The following PID1 variants were observed in gnomAD, a reference collection of about 807,000 sequenced individuals.
PID1 encodes the protein phosphotyrosine interaction domain containing 1.
In PID1, 10 loss-of-function variants were observed where a neutral mutation model predicts 19.1. The ratio of observed to expected loss-of-function variants is 0.52; its 90% CI spans 0.32 to 0.89. The LOEUF (loss-of-function observed/expected upper bound fraction) is 0.89. Among genes scored for constraint, PID1 ranks in the 40% least tolerant of loss-of-function variants. The pLI is 0.03. For missense variants in PID1, 248 were observed against 285.3 expected, an observed-to-expected ratio of 0.87 and a Z score of 0.94; for synonymous variants, 130 against 116.0, an observed-to-expected ratio of 1.12 and a Z score of -0.78.
chr2:229,173,025 C>T (rs1690741904), intron 1 of PID1, among the ~76,000 whole-genome samples: 1 of 152,056 alleles, frequency 6.6e-6, no homozygotes, highest in Non-Finnish European at 1.5e-5. Flanking sequence ...GAACCACTGG[C>T]CTCAATGCAC....
At chr2:229,181,088 C>T (rs868587505) in intron 1 of PID1, among the ~76,000 whole-genome samples, 8 of 152,178 alleles carry the variant, frequency 5.3e-5, no homozygotes, top group Non-Finnish European at 1.0e-4. Flanking sequence ...TCTCTCGTTC[C>T]ACCTAACGAG....
intron 1 of PID1, among the ~76,000 whole-genome samples, chr2:229,233,041 A>G (rs2106268952): frequency 6.6e-6 from 1 of 152,180 alleles, no homozygotes; most frequent in South Asian, 2.1e-4. Flanking sequence ...CAGAGCTGTA[A>G]ACTGTTCAAT....
At chr2:229,205,698 T>C (rs10166579) in intron 1 of PID1, among the ~76,000 whole-genome samples, 151,105 of 152,246 alleles carry the variant, frequency 0.99, 74,993 homozygotes, top group East Asian at 1. Context: ...TTTCAAATCT[T>C]AGAGTCAATT....
chr2:229,076,394 T>A (rs949365253), intron 2 of PID1, among the ~76,000 whole-genome samples: 9 of 152,078 alleles, frequency 5.9e-5, no homozygotes, highest in African/African-American at 1.9e-4. Context: ...GTTTTTTTTT[T>A]ACTTTTTTTA....
chr2:229,031,214 T>TAAAAAAAAA (rs1274567780), intron 2 of PID1, among the ~76,000 whole-genome samples: 21 of 24,950 alleles, frequency 8.4e-4, no homozygotes, highest in African/African-American at 3.4e-3. Flanking sequence ...AGACTCTGTC[T>TAAAAAAAAA]CAAAAAAAAA....
chr2:229,130,273 G>A (rs989724686), intron 2 of PID1, among the ~76,000 whole-genome samples: 12 of 152,242 alleles, frequency 7.9e-5, no homozygotes, highest in Admixed American at 7.8e-4. Flanking sequence ...ACCCGTCCTT[G>A]CATTCTCAGG....
chr2:229,092,346 C>T (rs1043155911), intron 2 of PID1, among the ~76,000 whole-genome samples: 1 of 152,150 alleles, frequency 6.6e-6, no homozygotes, highest in Non-Finnish European at 1.5e-5. Flanking sequence ...TTATCTGAAA[C>T]AAGTGAAAAG....
intron 1 of PID1, among the ~76,000 whole-genome samples, chr2:229,248,394 T>C (rs565228650): frequency 1.3e-5 from 2 of 152,334 alleles, no homozygotes; most frequent in African/African-American, 4.8e-5. Context: ...ACGATCATGG[T>C]TTGCCTCATT....
intron 1 of PID1, among the ~76,000 whole-genome samples, chr2:229,251,822 A>G (rs1690158238): frequency 1.3e-5 from 2 of 152,092 alleles, no homozygotes; most frequent in Middle Eastern, 3.2e-3. Flanking sequence ...AGAAATCAAC[A>G]ATATGTCCAT....
intron 2 of PID1, among the ~76,000 whole-genome samples, chr2:229,040,834 T>C (rs1693756453): frequency 1.3e-5 from 2 of 152,224 alleles, no homozygotes. Flanking sequence ...ATGCTGAACT[T>C]ACTTCATGTG....
At chr2:229,252,897 G>A (rs535018088) in intron 1 of PID1, among the ~76,000 whole-genome samples, 2 of 152,268 alleles carry the variant, frequency 1.3e-5, no homozygotes, top group East Asian at 3.9e-4. Context: ...GGTGGGTGGG[G>A]AAGGGGGTAG....
intron 1 of PID1, among the ~76,000 whole-genome samples, chr2:229,168,027 CTGTTA>C (rs1210049364): frequency 6.6e-6 from 1 of 152,122 alleles, no homozygotes; most frequent in African/African-American, 2.4e-5. Context: ...GACAAGAAGT[CTGTTA>C]TAATTCTTAA....
chr2:229,115,148 G>A (rs1183433507), intron 2 of PID1, among the ~76,000 whole-genome samples: 1 of 152,076 alleles, frequency 6.6e-6, no homozygotes, highest in Non-Finnish European at 1.5e-5. Flanking sequence ...CTCACTGAGG[G>A]TCAGGGTTAG....
chr2:229,047,328 G>A (rs1057224824), intron 2 of PID1, among the ~76,000 whole-genome samples: 1 of 152,162 alleles, frequency 6.6e-6, no homozygotes, highest in African/African-American at 2.4e-5. Flanking sequence ...TTTACACCCA[G>A]GCCAAAGGTC....
chr2:229,194,923 C>G (rs17580053), intron 1 of PID1, among the ~76,000 whole-genome samples: 108,989 of 139,352 alleles, frequency 0.78, 39,378 homozygotes, highest in East Asian at 0.9. Flanking sequence ...AATCTCATTG[C>G]TATAAAAAAA....
intron 2 of PID1, among the ~76,000 whole-genome samples, chr2:229,108,181 A>G (rs149144443): frequency 5.3e-4 from 80 of 152,370 alleles, no homozygotes; most frequent in Middle Eastern, 3.4e-3. Context: ...TTAGACTCCT[A>G]TGTAAGAGTT....
intron 2 of PID1, among the ~76,000 whole-genome samples, chr2:229,048,250 G>A (rs951144750): frequency 1.3e-5 from 2 of 152,102 alleles, no homozygotes; most frequent in African/African-American, 2.4e-5. Flanking sequence ...CCCCTTTAAA[G>A]CAGCACTGTC....
At chr2:229,229,008 G>C (rs1195634835) in intron 1 of PID1, among the ~76,000 whole-genome samples, 3 of 152,150 alleles carry the variant, frequency 2.0e-5, no homozygotes, top group Admixed American at 6.5e-5. Flanking sequence ...CTGTGGCTTG[G>C]AGTCTCATCA....
chr2:229,162,062 A>T (rs1387743024), intron 1 of PID1, among the ~76,000 whole-genome samples: 1 of 152,250 alleles, frequency 6.6e-6, no homozygotes, highest in Non-Finnish European at 1.5e-5. Flanking sequence ...GTGCACAGAG[A>T]TCCATAAAGA....
Sources: gnomAD v4.1 joint callset for allele counts (sites outside exome capture counted in the v4.1 genomes callset) on GRCh38, gnomAD v4.1.1 for gene constraint, MANE v1.5 for transcripts, NCBI Gene and HGNC (gene_info 2026-07-23, HGNC 2026-07-21) for gene names.